Variants in ADK observed in about 807,000 individuals in gnomAD.
The protein encoded by ADK is N6,N6-dimethyladenosine kinase.
ADK carries 24 observed loss-of-function variants against 44.7 expected under a neutral mutation model. The ratio of observed to expected loss-of-function variants is 0.54; its 90% CI spans 0.39 to 0.76. The LOEUF is 0.76. ADK is among the 30% of genes least tolerant of loss of function. The probability of loss-of-function intolerance (pLI) is 0.00; values close to 1 mark genes in which losing one functional copy is unlikely to be tolerated. For synonymous variants in ADK, 128 were observed against 142.6 expected (o/e 0.90, Z 0.73); for missense variants, 321 against 425.1 (o/e 0.76, Z 2.15).
intron 5 of ADK, among the ~76,000 whole-genome samples, chr10:74,397,709 TA>T (rs1287275112): frequency 6.6e-6 from 1 of 152,102 alleles, no homozygotes; most frequent in Non-Finnish European, 1.5e-5. Context: ...AGCTAATTTT[TA>T]AAATTATTTT....
At chr10:74,682,215 G>A (rs573423025) in intron 10 of ADK, among the ~76,000 whole-genome samples, 9 of 152,134 alleles carry the variant, frequency 5.9e-5, no homozygotes, top group Admixed American at 2.0e-4. Flanking sequence ...GCTTTCTTCC[G>A]AAATTAAGAT....
At position 74,652,765 on chromosome 10, in the gene ADK, GA is replaced by G. The variant is rs371385934; in HGVS notation, c.878-17407del. On this transcript the variant is annotated intron_variant, in intron 9 of 10. Transcript: ENST00000539909. Reference sequence around the variant, plus strand: ...ATACGGCGAGACTTAGTATCAAAAAGAAAAAAAAAAAGCCTAATAGTAAGAT... The same window carrying G: ...ATACGGCGAGACTTAGTATCAAAAAGAAAAAAAAAAGCCTAATAGTAAGAT... 9.5e-3 allele frequency among the ~76,000 whole-genome samples: 1,261 copies of G among 133,240 alleles called. 18 individuals carry two copies. The highest frequency in any genetic ancestry group is 0.031 in the African/African-American group (1,141 of 36,372). 87.4% of individuals were successfully genotyped at this position (133,240 alleles called of 152,430 possible).
intron 6 of ADK, among the ~76,000 whole-genome samples, chr10:74,492,719 T>C (rs900065424): frequency 6.6e-6 from 1 of 152,210 alleles, no homozygotes; most frequent in African/African-American, 2.4e-5. Flanking sequence ...GTTTTTTTTA[T>C]GTTTCCTTAT....
In ADK at chr10:74,689,050, C is replaced by T. The variant is rs1480313058; in HGVS notation, c.964+18781C>T. Among the ~76,000 whole-genome samples, 16 of 152,138 alleles carry T rather than the reference C, an allele frequency of 1.1e-4. 1 individual carries two copies. Among genetic ancestry groups the T allele is most frequent in the Non-Finnish European group, 2.4e-4 (16 of 68,008 alleles). On this transcript the variant is annotated intron_variant, in intron 10 of 10. Coordinates refer to ENST00000539909, the MANE Select transcript of ADK (RefSeq NM_006721.4). ...GGATCATGAGGTCAGGAGATCGAGA[C>T]CATCCTGGCTAACATGGTGAAACCC...
In ADK at chr10:74,709,174, T is replaced by G. The variant is rs1307744498; in HGVS notation, c.*729T>G. The G allele has an allele frequency of 6.6e-6, 1 of 152,278 alleles. No individual in the cohort carries two copies. Among genetic ancestry groups the G allele is most frequent in the Non-Finnish European group, 1.5e-5 (1 of 68,092 alleles). 9.4% of individuals were successfully genotyped at this position (152,278 alleles called of 1,614,324 possible). A position where few individuals can be genotyped will look rare whatever the true frequency, so the allele number is the denominator to read the frequency against. ...AAACTGAGGAAGAAAGATCATTATT[T>G]AATACTGGGCCCTGAAATGACACCC... On this transcript the variant is annotated 3_prime_UTR_variant, in exon 11 of 11. Coordinates refer to ENST00000539909, the MANE Select transcript of ADK (RefSeq NM_006721.4).
intron 7 of ADK, among the ~76,000 whole-genome samples, chr10:74,539,177 C>T (rs1242372557): frequency 1.3e-5 from 2 of 152,028 alleles, no homozygotes; most frequent in African/African-American, 2.4e-5. Context: ...TTTGTCAAGT[C>T]TAGTTCTTTT....
chr10:74,292,902 T>A (rs1320479898), intron 3 of ADK, among the ~76,000 whole-genome samples: 1 of 152,108 alleles, frequency 6.6e-6, no homozygotes, highest in East Asian at 1.9e-4. Context: ...CACAACAGAT[T>A]GGCGGACATT....
intron 7 of ADK, among the ~76,000 whole-genome samples, chr10:74,572,558 A>G (rs1385767506): frequency 6.6e-6 from 1 of 152,138 alleles, no homozygotes; most frequent in African/African-American, 2.4e-5. Flanking sequence ...CTGCCTTGCT[A>G]GATTGGGGAA....
In ADK at chr10:74,504,545, A is replaced by G. The variant is rs73272280; in HGVS notation, c.556-20711A>G. ...GTATATTATATGTATTATACAGTGTATTTTTGTAACACAGTAAGCTAGAGA... is the reference window on the plus strand; with the variant it reads ...GTATATTATATGTATTATACAGTGTGTTTTTGTAACACAGTAAGCTAGAGA... On this transcript the variant is annotated intron_variant, in intron 6 of 10. Transcript: ENST00000539909. Among the ~76,000 whole-genome samples, 494 of 152,300 alleles carry G rather than the reference A, an allele frequency of 3.2e-3. 2 individuals are homozygous for G. Among genetic ancestry groups the G allele is most frequent in the African/African-American group, 0.011 (465 of 41,570 alleles).
chr10:74,170,527 G>T lies in ADK; in HGVS notation c.65+19184G>T, dbSNP rs184922177. On this transcript the variant is annotated intron_variant, in intron 1 of 10. Transcript: ENST00000539909. ...TAAAAAAGATAGTAAGGCCGGGCAC[G>T]GTGGCTCACGCCTGTAATCCTAGCA... 3.1e-3 allele frequency among the ~76,000 whole-genome samples: 475 copies of T among 152,122 alleles called. 1 individual carries two copies. The highest frequency in any genetic ancestry group is 4.7e-3 in the Non-Finnish European group (318 of 67,998).
intron 10 of ADK, among the ~76,000 whole-genome samples, chr10:74,691,710 A>C (rs1465765277): frequency 3.9e-5 from 2 of 51,808 alleles, no homozygotes; most frequent in African/African-American, 1.2e-4. Context: ...TTGACAAAGC[A>C]CGCAACAGAT....
At chr10:74,421,530 T>A (rs1440015711) in intron 6 of ADK, among the ~76,000 whole-genome samples, 6 of 152,200 alleles carry the variant, frequency 3.9e-5, no homozygotes, top group African/African-American at 1.2e-4. Context: ...TTAGTATACA[T>A]GCATATGTTT....
chr10:74,654,395 C>T (rs1854400545), intron 9 of ADK, among the ~76,000 whole-genome samples: 1 of 152,216 alleles, frequency 6.6e-6, no homozygotes, highest in South Asian at 2.1e-4. Context: ...AGTCCATGGT[C>T]TCTTTATAAA....
In ADK at chr10:74,614,771, C is replaced by T. The variant is rs374257377; in HGVS notation, c.877+14278C>T. On this transcript the variant is annotated intron_variant, in intron 9 of 10. Transcript: ENST00000539909. ...TATAATCAACTATTTCTCCAAGGAA[C>T]CCTGGTTCCCTTTATTGAAGAATGG... is the stretch of plus-strand genomic sequence containing the variant. Among the ~76,000 whole-genome samples, 24 of 151,302 alleles carry T rather than the reference C, an allele frequency of 1.6e-4. No homozygotes were observed. In the East Asian group the frequency reaches 4.4e-3, roughly 28 times the overall value.
chr10:74,351,628 GTC>G (rs1841966735), intron 4 of ADK, among the ~76,000 whole-genome samples: 1 of 152,140 alleles, frequency 6.6e-6, no homozygotes, highest in African/African-American at 2.4e-5. Context: ...AAGTCAGATT[GTC>G]TCTGTTTGCA....
intron 6 of ADK, among the ~76,000 whole-genome samples, chr10:74,427,983 A>T (rs980840467): frequency 1.3e-5 from 2 of 152,112 alleles, no homozygotes; most frequent in African/African-American, 4.8e-5. Flanking sequence ...GCAGAGGGAG[A>T]ACCTATCCAT....
chr10:74,173,709 G>A (rs1290515789), intron 1 of ADK, among the ~76,000 whole-genome samples: 2 of 152,082 alleles, frequency 1.3e-5, no homozygotes, highest in South Asian at 4.1e-4. Flanking sequence ...GATTACAGGC[G>A]TGAGCCACTG....
At chr10:74,269,390 A>G (rs1034274707) in intron 3 of ADK, among the ~76,000 whole-genome samples, 2 of 152,342 alleles carry the variant, frequency 1.3e-5, no homozygotes, top group Non-Finnish European at 2.9e-5. Context: ...GTTAGCTACA[A>G]GCAGCTTTAT....
chr10:74,263,374 G>A (rs1160487068), intron 3 of ADK, among the ~76,000 whole-genome samples: 2 of 152,248 alleles, frequency 1.3e-5, no homozygotes, highest in East Asian at 3.9e-4. Context: ...AGAAATTAAA[G>A]AATAAACAGG....
Sources: allele counts gnomAD v4.1 joint callset (sites outside exome capture counted in the v4.1 genomes callset), GRCh38; gene constraint gnomAD v4.1.1; transcripts MANE v1.5; gene names NCBI Gene and HGNC (gene_info 2026-07-23, HGNC 2026-07-21).